MPHOSPH9: variants seen among roughly 807,000 people sequenced by gnomAD.
MPHOSPH9 encodes M-phase phosphoprotein 9.
MPHOSPH9 carries 88 observed loss-of-function variants against 145.5 expected under a neutral mutation model. The ratio of observed to expected loss-of-function variants is 0.60; its 90% CI spans 0.51 to 0.72. The LOEUF (loss-of-function observed/expected upper bound fraction) is 0.72, where lower values mean the gene tolerates loss of function less well. Ranked by LOEUF, MPHOSPH9 falls within the 30% of genes least tolerant of loss-of-function variation. MPHOSPH9 has a pLI of 0.00. For missense variants in MPHOSPH9, 1,238 were observed against 1,386.6 expected, an observed-to-expected ratio of 0.89 and a Z score of 1.70; for synonymous variants, 435 against 486.2, an observed-to-expected ratio of 0.89 and a Z score of 1.39.
chr12:123,231,250 C>T (rs764680140), intron 1 of MPHOSPH9, among the ~76,000 whole-genome samples: 3 of 152,042 alleles, frequency 2.0e-5, no homozygotes, highest in East Asian at 1.9e-4. Context: ...GGGATTATAG[C>T]GCAAACCATT....
intron 16 of MPHOSPH9, among the ~76,000 whole-genome samples, chr12:123,167,293 T>C (rs1268763706): frequency 1.3e-5 from 2 of 152,218 alleles, no homozygotes; most frequent in Non-Finnish European, 2.9e-5. Context: ...ATTTTAATAA[T>C]GAAAGTTTTC....
chr12:123,227,467 C>G lies in MPHOSPH9; in HGVS notation c.254G>C (p.Cys85Ser). 6.7e-7 allele frequency: 1 copy of G among 1,486,264 alleles called. No individual in the cohort carries two copies. Among genetic ancestry groups the G allele is most frequent in the Non-Finnish European group, 8.9e-7 (1 of 1,120,938 alleles). 92.1% of individuals were successfully genotyped at this position (1,486,264 alleles called of 1,614,324 possible). ...GKTDSELWKN[C>S]ETRWLQLFNL... Reference sequence around the variant, plus strand: ...AAATAAAACAAAATTAGATACCTCACAGTTTTTCCAAAGTTCCGAATCAGT... The same window carrying G: ...AAATAAAACAAAATTAGATACCTCAGAGTTTTTCCAAAGTTCCGAATCAGT... Residue 85 changes from cysteine to serine, a missense_variant, in exon 3 of 24, where the codon TGT becomes TCT. By Grantham distance (112) the Cys-to-Ser change is moderately radical. Around this residue, in one of 3 missense-constraint regions of MPHOSPH9, gnomAD observed 837 missense variants for 897.5 expected, o/e 0.93. Transcript: ENST00000606320.
chr12:123,194,284 A>G (rs2045845010), intron 13 of MPHOSPH9, 102 bp downstream of exon 13: 2 of 761,904 alleles, frequency 2.6e-6, no homozygotes, highest in Non-Finnish European at 4.1e-6. Flanking sequence ...AAATCAATAA[A>G]TAATAAAATA....
chr12:123,208,933 T>C (rs545520040), intron 8 of MPHOSPH9, among the ~76,000 whole-genome samples: 2 of 152,210 alleles, frequency 1.3e-5, no homozygotes, highest in South Asian at 4.2e-4. Context: ...TCCACTTTTT[T>C]CTGTTGTTGT....
At chr12:123,164,131 A>AC in intron 18 of MPHOSPH9, 41 bp from the exon 19 acceptor site, 1 of 1,612,484 alleles carries the variant, frequency 6.2e-7, no homozygotes, top group Middle Eastern at 1.6e-4. Flanking sequence ...AAACAAATCA[A>AC]AACAAGCCTA....
Position 123,202,256 on chromosome 12 carries a change from T to C in MPHOSPH9, c.1845A>G (p.Glu615=), listed in dbSNP as rs2046254700. Residue 615 remains glutamate (E), a synonymous_variant, in exon 11 of 24, where the codon GAA becomes GAG. Coordinates refer to ENST00000606320, the MANE Select transcript of MPHOSPH9 (RefSeq NM_022782.4). ...TCTGTTTCAAACTATTTATTTCTGA[T>C]TCATAATAAGCTCGAAGATCTGCTA... ...RHIADLRAYY[E]SEINSLKQKL... 1 of 1,613,490 alleles carries C rather than the reference T, an allele frequency of 6.2e-7. No homozygotes were observed. The highest frequency in any genetic ancestry group is 8.5e-7 in the Non-Finnish European group (1 of 1,179,866).
chr12:123,195,037 C>G, intron 12 of MPHOSPH9, among the ~76,000 whole-genome samples: 1 of 152,068 alleles, frequency 6.6e-6, no homozygotes, highest in East Asian at 1.9e-4. Flanking sequence ...TTGTTGTATT[C>G]TGGGATGGAG....
Position 123,218,384 on chromosome 12 carries a change from T to C in MPHOSPH9, c.988A>G (p.Ile330Val), listed in dbSNP as rs2047059086. The C allele has an allele frequency of 1.9e-6, 3 of 1,614,016 alleles. No homozygotes were observed. The highest frequency in any genetic ancestry group is 2.5e-6 in the Non-Finnish European group (3 of 1,179,896). Residue 330 changes from isoleucine (I) to valine (V), a missense_variant, in exon 6 of 24, where the codon ATT (isoleucine) becomes GTT (valine). Ile to Val is a conservative substitution (Grantham distance 29). Coordinates refer to ENST00000606320, the MANE Select transcript of MPHOSPH9 (RefSeq NM_022782.4). ...QGNEQSKKTP[I>V]EKSDFAAATH... ...AGTGACTAGTCACCTACTTTCTCAA[T>C]TGGTGTCTTCTTACTTTGCTCATTT...
chr12:123,198,597 G>A (rs576803377), intron 11 of MPHOSPH9, among the ~76,000 whole-genome samples: 162 of 151,932 alleles, frequency 1.1e-3, no homozygotes, highest in African/African-American at 3.7e-3. Flanking sequence ...ATCACTTGAG[G>A]CCAGGAGTTC....
intron 7 of MPHOSPH9, 98 bp from the exon 8 acceptor site, chr12:123,210,260 G>A (rs1207142919): frequency 1.6e-6 from 1 of 639,506 alleles, no homozygotes. Context: ...AATATGGGAA[G>A]AAATTAATTT....
At position 123,221,374 on chromosome 12, in the gene MPHOSPH9, A is replaced by G; in HGVS notation, c.870T>C (p.Asn290=). 6.4e-7 allele frequency: 1 copy of G among 1,569,752 alleles called. No individual in the cohort carries two copies. The highest frequency in any genetic ancestry group is 8.6e-7 in the Non-Finnish European group (1 of 1,161,410). Residue 290 remains asparagine (N), a splice_region_variant and synonymous_variant, in exon 5 of 24, where the codon AAT becomes AAC. Coordinates refer to ENST00000606320, the MANE Select transcript of MPHOSPH9 (RefSeq NM_022782.4). Reference sequence around the variant, plus strand: ...CAAATGATAGAAATTCTACTTACCTATTTGTTTTCCCACTGTATACTTCAG... The same window carrying G: ...CAAATGATAGAAATTCTACTTACCTGTTTGTTTTCCCACTGTATACTTCAG... The part of the protein sequence containing the change: ...KVSEVYSGKT[N]SNAITSWAQK...
chr12:123,156,525 CCT>C lies in MPHOSPH9; in HGVS notation c.*280_*281del, dbSNP rs1433104937. 3.4e-5 allele frequency: 8 copies of C among 235,588 alleles called. No individual in the cohort carries two copies. The highest frequency in any genetic ancestry group is 1.5e-4 in the Admixed American group (3 of 19,756). The allele number at this position is 235,588 out of a possible 1,614,324, so 14.6% of individuals were successfully genotyped here. A position where few individuals can be genotyped will look rare whatever the true frequency, so the allele number is the denominator to read the frequency against. On this transcript the variant is annotated 3_prime_UTR_variant, in exon 24 of 24. Transcript: ENST00000606320. ...CTATTTGTTTAGAAACAAGCTGCTT[CCT>C]CTGTTTATATTTCCTTATTCTTGAT...
rs1296921714 is a variant in MPHOSPH9, at chr12:123,155,647, A to G, written c.*1160T>C. 6.6e-6 allele frequency: 1 copy of G among 152,230 alleles called. No homozygotes were observed. The highest frequency in any genetic ancestry group is 1.5e-5 in the Non-Finnish European group (1 of 68,036). The allele number at this position is 152,230 out of a possible 1,614,324, so 9.4% of individuals were successfully genotyped here. ...TCTGATTGGCTACCAAAAACTAAGT[A>G]GTTACACAGCTCCAACTTAACCAGC... On this transcript the variant is annotated 3_prime_UTR_variant, in exon 24 of 24. Transcript: ENST00000606320.
chr12:123,203,234 A>C lies in MPHOSPH9; in HGVS notation c.1320+16T>G. Reference sequence around the variant, plus strand: ...GCATTGTTCACGTTCACTCGGCAGAATGTGGACAACTTTACCTCTGGTGGA... The same window carrying C: ...GCATTGTTCACGTTCACTCGGCAGACTGTGGACAACTTTACCTCTGGTGGA... On this transcript the variant is annotated intron_variant, in intron 9 of 23. Coordinates refer to ENST00000606320, the MANE Select transcript of MPHOSPH9 (RefSeq NM_022782.4). 1 of 1,610,886 alleles carries C rather than the reference A, an allele frequency of 6.2e-7. No individual in the cohort carries two copies. The highest frequency in any genetic ancestry group is 8.5e-7 in the Non-Finnish European group (1 of 1,179,208).
At position 123,208,515 on chromosome 12, in the gene MPHOSPH9, G is replaced by A. The variant is rs1434072809; in HGVS notation, c.1194+1541C>T. On this transcript the variant is annotated intron_variant, in intron 8 of 23. Transcript: ENST00000606320. ...TCGCACCACTGCACTCCAACCTGGC[G>A]ACAGAGTGAAACTGTCTCAAAAAAA... 5.4e-5 allele frequency among the ~76,000 whole-genome samples: 7 copies of A among 128,930 alleles called. No individual in the cohort carries two copies. The East Asian group carries it at 1.2e-3, about 23-fold the overall frequency. The allele number at this position is 128,930 out of a possible 152,430, so 84.6% of individuals were successfully genotyped here. A position where few individuals can be genotyped will look rare whatever the true frequency, so the allele number is the denominator to read the frequency against.
chr12:123,229,031 T>G (rs2047537137), intron 2 of MPHOSPH9, among the ~76,000 whole-genome samples: 1 of 152,222 alleles, frequency 6.6e-6, no homozygotes, highest in African/African-American at 2.4e-5. Flanking sequence ...ATTCCTTTGT[T>G]TTTTACAACT....
chr12:123,228,506 G>A (rs2047516567), intron 2 of MPHOSPH9, among the ~76,000 whole-genome samples: 1 of 152,110 alleles, frequency 6.6e-6, no homozygotes, highest in Non-Finnish European at 1.5e-5. Context: ...TGGCCAACAT[G>A]GTGAAACACC....
chr12:123,206,788 C>T (rs1451522090), intron 8 of MPHOSPH9, among the ~76,000 whole-genome samples: 1 of 151,294 alleles, frequency 6.6e-6, no homozygotes, highest in East Asian at 2.0e-4. Flanking sequence ...GTAGTGCATG[C>T]CTGTAGTCCT....
At position 123,166,696 on chromosome 12, in the gene MPHOSPH9, G is replaced by A; in HGVS notation, c.2550C>T (p.Asp850=). 6.2e-7 allele frequency: 1 copy of A among 1,614,054 alleles called. No homozygotes were observed. Among genetic ancestry groups the A allele is most frequent in the Non-Finnish European group, 8.5e-7 (1 of 1,180,006 alleles). The stretch of plus-strand genomic sequence containing the variant: ...CCTCCAGCTGGTTATCCACGTTACT[G>A]TCCTGGGTGTCCAGAGGCTGGCCAG... ...IFTGQPLDTQ[D]SNVDNQLEET... The change falls in exon 17 of 24, where the codon GAC becomes GAT. Residue 850 remains aspartate (D), a synonymous_variant. Transcript: ENST00000606320.
Sources: allele counts gnomAD v4.1 joint callset (sites outside exome capture counted in the v4.1 genomes callset), GRCh38; gene constraint gnomAD v4.1.1; regional missense constraint gnomAD v4.1.1; transcripts MANE v1.5; gene names NCBI Gene and HGNC (gene_info 2026-07-23, HGNC 2026-07-21).